The following QRICH1 variants were observed in gnomAD, a reference collection of about 807,000 sequenced individuals.
QRICH1 encodes glutamine rich 1.
In QRICH1, 16 loss-of-function variants were observed where a neutral mutation model predicts 87.1. The observed-to-expected ratio is 0.18, with a 90% CI of 0.12 to 0.28. The LOEUF is 0.28. QRICH1 is among the 10% of genes least tolerant of loss of function. QRICH1 has a pLI of 1.00. For synonymous variants in QRICH1, 367 were observed against 368.4 expected, an observed-to-expected ratio of 1.00 and a Z score of 0.05; for missense variants, 647 against 951.7, an observed-to-expected ratio of 0.68 and a Z score of 4.21.
intron 3 of QRICH1, among the ~76,000 whole-genome samples, chr3:49,056,320 C>T (rs2093402348): frequency 6.6e-6 from 1 of 152,168 alleles, no homozygotes; most frequent in Non-Finnish European, 1.5e-5. Flanking sequence ...ACATAGACGG[C>T]ATATTCAAGC....
At chr3:49,045,513 C>T (rs936082152) in intron 5 of QRICH1, among the ~76,000 whole-genome samples, 1 of 152,184 alleles carries the variant, frequency 6.6e-6, no homozygotes, top group Non-Finnish European at 1.5e-5. Context: ...TGAATGCAGC[C>T]TCGCACTCCT....
At chr3:49,052,256 T>C (rs1301948986) in intron 3 of QRICH1, among the ~76,000 whole-genome samples, 1 of 152,080 alleles carries the variant, frequency 6.6e-6, no homozygotes, top group African/African-American at 2.4e-5. Context: ...GGTTTCTGGT[T>C]TGAACAACTA....
chr3:49,092,020 C>T (rs913717390), intron 1 of QRICH1, among the ~76,000 whole-genome samples: 5 of 150,034 alleles, frequency 3.3e-5, no homozygotes, highest in African/African-American at 4.9e-5. Flanking sequence ...TGCAGTGAGC[C>T]GAGATCACAC....
intron 1 of QRICH1, among the ~76,000 whole-genome samples, chr3:49,089,071 T>C (rs958959957): frequency 2.0e-5 from 3 of 151,990 alleles, no homozygotes; most frequent in Non-Finnish European, 2.9e-5. Context: ...CTTTTCTTTT[T>C]TTTTTTTTAA....
chr3:49,059,818 A>T (rs2093424649), intron 2 of QRICH1, among the ~76,000 whole-genome samples: 1 of 151,694 alleles, frequency 6.6e-6, no homozygotes, highest in Non-Finnish European at 1.5e-5. Flanking sequence ...CCCGGATTCA[A>T]GCTATTCTCC....
chr3:49,046,277 A>C, intron 5 of QRICH1, 148 bp downstream of exon 5: 5 of 902,502 alleles, frequency 5.5e-6, no homozygotes, highest in African/African-American at 1.7e-5. Context: ...AAAAAAAAAA[A>C]ACAACAAATG....
At chr3:49,093,171 C>T (rs1228072454) in intron 1 of QRICH1, 5 of 152,212 alleles carry the variant, frequency 3.3e-5, no homozygotes, top group Non-Finnish European at 7.3e-5. Context: ...GTGAGGAAAT[C>T]CGAAGGGGCT....
intron 3 of QRICH1, among the ~76,000 whole-genome samples, chr3:49,051,786 TAGGCAGTGGCTAGAGCATGGG>T (rs2093372820): frequency 1.3e-5 from 2 of 152,130 alleles, no homozygotes; most frequent in African/African-American, 2.4e-5. Flanking sequence ...GCTGAACAAG[TAGGCAGTGGCTAGAGCATGGG>T]AGGCAGTGCT....
At chr3:49,068,010 A>G (rs978568464) in intron 2 of QRICH1, among the ~76,000 whole-genome samples, 4 of 152,244 alleles carry the variant, frequency 2.6e-5, no homozygotes, top group Admixed American at 6.5e-5. Context: ...TCATTCAGAT[A>G]TAACAACTCT....
Sources: allele counts gnomAD v4.1 joint callset (sites outside exome capture counted in the v4.1 genomes callset), GRCh38; gene constraint gnomAD v4.1.1; transcripts MANE v1.5; gene names NCBI Gene and HGNC (gene_info 2026-07-23, HGNC 2026-07-21).